The following RALGPS2 variants were observed in gnomAD, a reference collection of about 807,000 sequenced individuals.
The protein encoded by RALGPS2 is Ral GEF with PH domain and SH3 binding motif 2, also known as ras-specific guanine nucleotide-releasing factor RalGPS2.
In RALGPS2, 43 loss-of-function variants were observed where a neutral mutation model predicts 86.8. The ratio of observed to expected loss-of-function variants is 0.50; its 90% confidence interval spans 0.39 to 0.64. The LOEUF is 0.64. Ranked by LOEUF, RALGPS2 falls within the 30% of genes least tolerant of loss-of-function variation. The probability of loss-of-function intolerance (pLI) is 0.00; values close to 1 mark genes in which losing one functional copy is unlikely to be tolerated. For synonymous variants in RALGPS2, 243 were observed against 231.3 expected, an observed-to-expected ratio of 1.05 and a Z score of -0.46; for missense variants, 536 against 694.6, an observed-to-expected ratio of 0.77 and a Z score of 2.57.
chr1:178,789,522 G>A (rs1407189078), intron 4 of RALGPS2, among the ~76,000 whole-genome samples: 1 of 152,182 alleles, frequency 6.6e-6, no homozygotes, highest in African/African-American at 2.4e-5. Context: ...GCACCCTTGT[G>A]GAGAAAGGCT....
At chr1:178,800,435 A>G (rs1026995940) in intron 4 of RALGPS2, among the ~76,000 whole-genome samples, 1 of 152,050 alleles carries the variant, frequency 6.6e-6, no homozygotes, top group African/African-American at 2.4e-5. Context: ...AACAAGACCA[A>G]CCCCTTCAGC....
At chr1:178,742,132 CAAA>C (rs34861793) in intron 1 of RALGPS2, among the ~76,000 whole-genome samples, 56 of 82,682 alleles carry the variant, frequency 6.8e-4, no homozygotes, top group Admixed American at 2.4e-3. Context: ...AAGATTCCGT[CAAA>C]AAAAAAAAAA....
intron 16 of RALGPS2, among the ~76,000 whole-genome samples, chr1:178,896,813 A>G (rs1486669907): frequency 2.0e-5 from 3 of 149,648 alleles, no homozygotes; most frequent in Non-Finnish European, 3.0e-5. Context: ...ATGGCTGCAT[A>G]GTATTCCATG....
chr1:178,871,019 G>A (rs1398465651), intron 8 of RALGPS2: 2 of 152,226 alleles, frequency 1.3e-5, no homozygotes. Context: ...GCTTTGCTCT[G>A]TCTGCCACAT....
chr1:178,743,848 T>C (rs1651163814), intron 1 of RALGPS2, among the ~76,000 whole-genome samples: 1 of 152,168 alleles, frequency 6.6e-6, no homozygotes, highest in Non-Finnish European at 1.5e-5. Context: ...ATTGAATTTG[T>C]GATTACAATA....
At chr1:178,836,380 C>T (rs1558141719) in intron 8 of RALGPS2, among the ~76,000 whole-genome samples, 1 of 152,154 alleles carries the variant, frequency 6.6e-6, no homozygotes, top group Non-Finnish European at 1.5e-5. Flanking sequence ...ATGACTCCTT[C>T]TTTTTTTCAG....
chr1:178,875,099 C>G (rs966810120), intron 8 of RALGPS2, among the ~76,000 whole-genome samples: 1 of 152,158 alleles, frequency 6.6e-6, no homozygotes, highest in Non-Finnish European at 1.5e-5. Context: ...TTGGTCATCA[C>G]TGATTAGATC....
chr1:178,741,192 A>G (rs1651004920), intron 1 of RALGPS2, among the ~76,000 whole-genome samples: 1 of 152,206 alleles, frequency 6.6e-6, no homozygotes, highest in African/African-American at 2.4e-5. Flanking sequence ...AGTGTGAATA[A>G]TAATACACTG....
Position 178,851,014 on chromosome 1 carries a change from TA to T in RALGPS2, c.607+17469del, listed in dbSNP as rs1246055144. Reference sequence around the variant, plus strand: ...TTTATAGTTACGGTAAAATTCATTTTAAAAACTTTCTGTGTAGAAATAAATT... The same window carrying T: ...TTTATAGTTACGGTAAAATTCATTTTAAAACTTTCTGTGTAGAAATAAATT... On this transcript the variant is annotated intron_variant, in intron 8 of 19. Transcript: ENST00000367635. The T allele has an allele frequency of 2.9e-6, 3 of 1,022,572 alleles. No individual in the cohort carries two copies. The Admixed American group carries it at 1.0e-4, about 35-fold the overall frequency. The allele number at this position is 1,022,572 out of a possible 1,614,324, so 63.3% of individuals were successfully genotyped here.
intron 4 of RALGPS2, among the ~76,000 whole-genome samples, chr1:178,795,152 C>T (rs773404536): frequency 6.6e-6 from 1 of 151,424 alleles, no homozygotes; most frequent in Non-Finnish European, 1.5e-5. Flanking sequence ...TGCACTCCAG[C>T]CTGGGTGATG....
At chr1:178,812,439 A>T (rs946046811) in intron 6 of RALGPS2, among the ~76,000 whole-genome samples, 3 of 152,144 alleles carry the variant, frequency 2.0e-5, no homozygotes, top group African/African-American at 7.2e-5. Flanking sequence ...TCTTTCCTAG[A>T]TCTGGACAAG....
chr1:178,906,879 T>C lies in RALGPS2; in HGVS notation c.1722+12T>C, dbSNP rs752408257. 6.2e-7 allele frequency: 1 copy of C among 1,609,868 alleles called. No homozygotes were observed. The highest frequency in any genetic ancestry group is 1.1e-5 in the South Asian group (1 of 90,934). Reference sequence around the variant, plus strand: ...GTAACAAACAACAGGTAAGCATTTCTCCTAATTCTCAGAATAGTCCATAAT... The same window carrying C: ...GTAACAAACAACAGGTAAGCATTTCCCCTAATTCTCAGAATAGTCCATAAT... On this transcript the variant is annotated intron_variant, in intron 19 of 19. Coordinates refer to ENST00000367635, the MANE Select transcript of RALGPS2 (RefSeq NM_152663.5).
intron 2 of RALGPS2, 23 bp downstream of exon 2, chr1:178,776,844 G>C (rs1480865777): frequency 1.1e-5 from 17 of 1,601,428 alleles, no homozygotes; most frequent in Non-Finnish European, 1.4e-5. Flanking sequence ...AGAAGCTTGG[G>C]TGTAAAGTTT....
chr1:178,839,536 T>C (rs988859057), intron 8 of RALGPS2, among the ~76,000 whole-genome samples: 6 of 152,000 alleles, frequency 3.9e-5, no homozygotes, highest in Admixed American at 3.3e-4. Context: ...AAGGAACAAC[T>C]GGTACCAGCC....
At chr1:178,766,743 T>C (rs1652527904) in intron 1 of RALGPS2, among the ~76,000 whole-genome samples, 3 of 152,194 alleles carry the variant, frequency 2.0e-5, no homozygotes, top group Admixed American at 2.0e-4. Flanking sequence ...TCTTCTTGTG[T>C]AGTATTTTTC....
At chr1:178,766,143 C>A (rs1455344824) in intron 1 of RALGPS2, among the ~76,000 whole-genome samples, 2 of 152,112 alleles carry the variant, frequency 1.3e-5, no homozygotes, top group African/African-American at 4.8e-5. Flanking sequence ...TCAGAGTTTG[C>A]AGTAAAGACA....
At chr1:178,888,978 A>G (rs1361981768) in intron 13 of RALGPS2, among the ~76,000 whole-genome samples, 1 of 152,088 alleles carries the variant, frequency 6.6e-6, no homozygotes, top group Non-Finnish European at 1.5e-5. Context: ...TTAAAGTAAC[A>G]TTTAAGTAAA....
chr1:178,845,408 G>T (rs1656822194), intron 8 of RALGPS2, among the ~76,000 whole-genome samples: 1 of 151,980 alleles, frequency 6.6e-6, no homozygotes, highest in Non-Finnish European at 1.5e-5. Context: ...AGTGTTCCTT[G>T]CCTACTGCTC....
chr1:178,889,252 G>A (rs1292280310), intron 13 of RALGPS2, among the ~76,000 whole-genome samples: 1 of 151,970 alleles, frequency 6.6e-6, no homozygotes, highest in Non-Finnish European at 1.5e-5. Flanking sequence ...AATACAAAGA[G>A]AAAGGAGTAT....
Sources: allele counts gnomAD v4.1 joint callset (sites outside exome capture counted in the v4.1 genomes callset), GRCh38; gene constraint gnomAD v4.1.1; transcripts MANE v1.5; gene names NCBI Gene and HGNC (gene_info 2026-07-23, HGNC 2026-07-21).